Variants in CUL1 observed in about 807,000 individuals in gnomAD.
CUL1 encodes the protein cullin-1.
In CUL1, 24 loss-of-function variants were observed where a neutral mutation model predicts 118.0. That is an observed-to-expected ratio of 0.20 (90% confidence interval 0.15 to 0.29). CUL1 has a LOEUF of 0.29. Among genes scored for constraint, CUL1 ranks in the 10% least tolerant of loss-of-function variants. The probability of loss-of-function intolerance (pLI) is 1.00; values close to 1 mark genes in which losing one functional copy is unlikely to be tolerated. For synonymous variants in CUL1, 332 were observed against 340.4 expected, an observed-to-expected ratio of 0.98 and a Z score of 0.27; for missense variants, 361 against 933.8, an observed-to-expected ratio of 0.39 and a Z score of 7.99.
intron 9 of CUL1, 137 bp from the exon 10 acceptor site, chr7:148,783,646 T>C: frequency 6.5e-7 from 1 of 1,545,834 alleles, no homozygotes; most frequent in Non-Finnish European, 8.7e-7. Context: ...AAGTATTTCT[T>C]GCTCTTATCT....
At chr7:148,720,278 G>T (rs1175736380) in intron 1 of CUL1, among the ~76,000 whole-genome samples, 3 of 152,142 alleles carry the variant, frequency 2.0e-5, no homozygotes, top group Admixed American at 1.3e-4. Flanking sequence ...GGATTGGAGG[G>T]GACGAGGCCA....
rs147915229 is a variant in CUL1 at position 148,713,300 on chromosome 7, T to C, written c.-162+14271T>C. On this transcript the variant is annotated intron_variant, in intron 1 of 21. Coordinates refer to ENST00000325222, the MANE Select transcript of CUL1 (RefSeq NM_003592.3). ...ATACTCAGTCCTCAGCAGTTAAAACTAGTTTATTTGGACAAACTGGGCAGT... is the reference window on the plus strand; with the variant it reads ...ATACTCAGTCCTCAGCAGTTAAAACCAGTTTATTTGGACAAACTGGGCAGT... Among the ~76,000 whole-genome samples the C allele has an allele frequency of 2.0e-4, 31 of 152,348 alleles. No individual in the cohort carries two copies. The East Asian group carries it at 6.0e-3, about 29-fold the overall frequency.
intron 2 of CUL1, among the ~76,000 whole-genome samples, chr7:148,735,253 C>T (rs115551509): frequency 0.014 from 2,198 of 152,320 alleles, 44 homozygotes; most frequent in African/African-American, 0.051. Flanking sequence ...CTTTTTCACC[C>T]GAGTCAATCT....
In CUL1 at chr7:148,741,075, A is replaced by G. The variant is rs188735173; in HGVS notation, c.140+10813A>G. On this transcript the variant is annotated intron_variant, in intron 2 of 21. Coordinates refer to ENST00000325222, the MANE Select transcript of CUL1 (RefSeq NM_003592.3). The stretch of plus-strand genomic sequence containing the variant: ...TTTCTAACTTCATCCATGTTGTAGC[A>G]TATGTCAGTACTTCATTTTTATGGT... Among the ~76,000 whole-genome samples the G allele has an allele frequency of 5.0e-3, 760 of 152,348 alleles. 2 individuals carry two copies. The highest frequency in any genetic ancestry group is 0.01 in the Middle Eastern group (3 of 294).
intron 1 of CUL1, among the ~76,000 whole-genome samples, chr7:148,706,936 C>T (rs192693085): frequency 3.3e-5 from 5 of 152,070 alleles, no homozygotes; most frequent in African/African-American, 7.2e-5. Context: ...TGTGAATAAA[C>T]GTAGGAAATG....
chr7:148,771,315 A>G (rs1359619267), intron 9 of CUL1, among the ~76,000 whole-genome samples: 1 of 152,236 alleles, frequency 6.6e-6, no homozygotes, highest in African/African-American at 2.4e-5. Flanking sequence ...TTTATCATGT[A>G]AGTCAAATAT....
At chr7:148,745,034 C>T (rs1180992813) in intron 2 of CUL1, among the ~76,000 whole-genome samples, 1 of 151,964 alleles carries the variant, frequency 6.6e-6, no homozygotes, top group Admixed American at 6.5e-5. Flanking sequence ...AGATTGTTCC[C>T]CCTTTGGTTT....
In CUL1 at chr7:148,783,898, C is replaced by CG. The variant is rs750287721; in HGVS notation, c.1191+9dup. ...GTGGCTGCTCTTGATAAGGTAGGTG[C>CG]GTGAGGGTTGTGACTTGCCTGTAGT... On this transcript the variant is annotated intron_variant, in intron 10 of 21. Transcript: ENST00000325222. The CG allele has an allele frequency of 1.2e-6, 2 of 1,613,412 alleles. No homozygotes were observed. Among genetic ancestry groups the CG allele is most frequent in the Non-Finnish European group, 8.5e-7 (1 of 1,179,600 alleles).
intron 1 of CUL1, among the ~76,000 whole-genome samples, chr7:148,707,804 T>C (rs147128857): frequency 6.6e-6 from 1 of 152,222 alleles, no homozygotes; most frequent in East Asian, 1.9e-4. Context: ...TCAATACTTC[T>C]CTTGAAGGCA....
At chr7:148,708,657 A>T (rs1341722966) in intron 1 of CUL1, among the ~76,000 whole-genome samples, 3 of 152,204 alleles carry the variant, frequency 2.0e-5, no homozygotes, top group Non-Finnish European at 4.4e-5. Context: ...TCATAAGCTT[A>T]AAAAAATCCT....
Position 148,766,584 on chromosome 7 carries a change from A to G in CUL1, c.813A>G (p.Glu271=). ...MKKAEARLLE[E]QRRVQVYLHE... ...AGGCAGAGGCTCGTCTGCTTGAGGA[A>G]CAACGAAGAGTTCAGGTTTACCTTC... The change falls in exon 8 of 22, where the codon GAA becomes GAG. Residue 271 remains glutamate (E), a synonymous_variant. Transcript: ENST00000325222. The G allele has an allele frequency of 6.2e-7, 1 of 1,610,820 alleles. No homozygotes were observed. The highest frequency in any genetic ancestry group is 1.3e-5 in the African/African-American group (1 of 74,892).
chr7:148,786,741 TGA>T (rs1361411536), intron 12 of CUL1, 142 bp downstream of exon 12: 2 of 838,248 alleles, frequency 2.4e-6, no homozygotes, highest in African/African-American at 3.4e-5. Flanking sequence ...CTTCCTAAAT[TGA>T]GTTACTACTT....
intron 9 of CUL1, among the ~76,000 whole-genome samples, chr7:148,776,307 C>CGTTTTTTTT (rs1800395793): frequency 2.5e-5 from 1 of 40,692 alleles, no homozygotes; most frequent in African/African-American, 1.1e-4. Context: ...CATAACCAGG[C>CGTTTTTTTT]TTTTTTTTTT....
chr7:148,781,118 G>A (rs1001168761), intron 9 of CUL1, among the ~76,000 whole-genome samples: 4 of 106,524 alleles, frequency 3.8e-5, no homozygotes, highest in Non-Finnish European at 5.1e-5. Flanking sequence ...GTCTCGCACC[G>A]TCACCTGGGC....
At chr7:148,705,596 A>AGTCAGAAC (rs2129458855) in intron 1 of CUL1, among the ~76,000 whole-genome samples, 1 of 152,342 alleles carries the variant, frequency 6.6e-6, no homozygotes, top group South Asian at 2.1e-4. Context: ...GGCATCCGAA[A>AGTCAGAAC]GTCAGAACGG....
At chr7:148,720,627 T>C (rs1409398071) in intron 1 of CUL1, among the ~76,000 whole-genome samples, 1 of 152,158 alleles carries the variant, frequency 6.6e-6, no homozygotes, top group African/African-American at 2.4e-5. Flanking sequence ...TCGTAACTCC[T>C]AGGATTCCAA....
At chr7:148,718,519 A>G (rs1194288089) in intron 1 of CUL1, among the ~76,000 whole-genome samples, 2 of 151,480 alleles carry the variant, frequency 1.3e-5, no homozygotes, top group East Asian at 3.9e-4. Flanking sequence ...TAGTGTTAAT[A>G]TTTTTGAGGT....
chr7:148,732,518 T>C (rs1184653083), intron 2 of CUL1, among the ~76,000 whole-genome samples: 2 of 151,818 alleles, frequency 1.3e-5, no homozygotes, highest in African/African-American at 4.8e-5. Flanking sequence ...ATTTTTTTTT[T>C]TTTTTCCTAG....
chr7:148,791,059 G>C (rs1298503577), intron 16 of CUL1, among the ~76,000 whole-genome samples: 1 of 152,234 alleles, frequency 6.6e-6, no homozygotes, highest in African/African-American at 2.4e-5. Context: ...GGTGGCTCAC[G>C]CTTGTAATCC....
Sources: allele counts gnomAD v4.1 joint callset (sites outside exome capture counted in the v4.1 genomes callset), GRCh38; gene constraint gnomAD v4.1.1; transcripts MANE v1.5; gene names NCBI Gene and HGNC (gene_info 2026-07-23, HGNC 2026-07-21).